TESC: variants seen among roughly 807,000 people sequenced by gnomAD.
The protein encoded by TESC is tescalcin, also known as calcineurin B homologous protein 3.
Under a neutral mutation model 31.0 loss-of-function variants are expected in TESC, and 19 were observed. That is an observed-to-expected ratio of 0.61 (90% CI 0.43 to 0.90). TESC has a LOEUF of 0.90. Ranked by LOEUF, TESC falls within the 40% of genes least tolerant of loss-of-function variation. The pLI is 0.00. For synonymous variants in TESC, 109 were observed against 114.8 expected (o/e 0.95, Z 0.32); for missense variants, 248 against 303.8 (o/e 0.82, Z 1.36).
intron 1 of TESC, among the ~76,000 whole-genome samples, chr12:117,086,703 G>A (rs1054772463): frequency 2.0e-5 from 3 of 152,208 alleles, no homozygotes; most frequent in African/African-American, 4.8e-5. Flanking sequence ...CTCCCAAAGT[G>A]CTGAGATTAC....
intron 1 of TESC, among the ~76,000 whole-genome samples, chr12:117,096,625 T>C (rs937053291): frequency 2.6e-5 from 4 of 152,152 alleles, no homozygotes; most frequent in East Asian, 3.9e-4. Context: ...AACTACTTCA[T>C]GTATATTAAC....
chr12:117,048,752 T>C (rs1954603824), intron 4 of TESC: 1 of 608,840 alleles, frequency 1.6e-6, no homozygotes, highest in African/African-American at 1.8e-5. Flanking sequence ...GGTCTTTGCA[T>C]CAAGGGCCTT....
intron 2 of TESC, among the ~76,000 whole-genome samples, chr12:117,068,345 C>T (rs1396540189): frequency 6.6e-6 from 1 of 152,128 alleles, no homozygotes; most frequent in Non-Finnish European, 1.5e-5. Flanking sequence ...GCCTGGCCAA[C>T]ATGGTGAAAC....
intron 1 of TESC, among the ~76,000 whole-genome samples, chr12:117,080,941 T>A (rs1955139657): frequency 6.6e-6 from 1 of 152,214 alleles, no homozygotes; most frequent in South Asian, 2.1e-4. Flanking sequence ...TGAGCCCTTC[T>A]CCAGGGCCCT....
intron 2 of TESC, among the ~76,000 whole-genome samples, chr12:117,065,622 C>T (rs952537954): frequency 1.3e-4 from 20 of 152,146 alleles, no homozygotes; most frequent in African/African-American, 4.8e-4. Flanking sequence ...GGCACAGTGG[C>T]TCACACCTAT....
chr12:117,074,452 G>A (rs1177857875), intron 2 of TESC, among the ~76,000 whole-genome samples: 3 of 152,102 alleles, frequency 2.0e-5, no homozygotes, highest in African/African-American at 7.2e-5. Context: ...GCAACCTAAA[G>A]GTATCTAAAA....
chr12:117,046,902 A>G, intron 4 of TESC, 64 bp from the exon 5 acceptor site: 2 of 1,503,844 alleles, frequency 1.3e-6, no homozygotes, highest in South Asian at 1.2e-5. Context: ...ACCCCCTGAA[A>G]TGTACACTAA....
intron 1 of TESC, among the ~76,000 whole-genome samples, chr12:117,092,346 T>C (rs1193433505): frequency 2.0e-5 from 3 of 152,134 alleles, no homozygotes; most frequent in African/African-American, 7.2e-5. Flanking sequence ...GGTGAGATGA[T>C]GGGGCCCAGG....
intron 1 of TESC, among the ~76,000 whole-genome samples, chr12:117,094,025 C>T (rs1546248): frequency 5.3e-5 from 8 of 151,594 alleles, no homozygotes; most frequent in Admixed American, 3.3e-4. Context: ...CCCTTCTCTC[C>T]GTCAGGTCCC....
At chr12:117,081,319 A>T (rs1955144707) in intron 1 of TESC, among the ~76,000 whole-genome samples, 1 of 152,212 alleles carries the variant, frequency 6.6e-6, no homozygotes, top group Non-Finnish European at 1.5e-5. Flanking sequence ...GATCATTTTT[A>T]AATATAATGG....
intron 2 of TESC, 28 bp from the exon 3 acceptor site, chr12:117,056,914 G>C (rs1270011552): frequency 6.2e-7 from 1 of 1,611,216 alleles, no homozygotes; most frequent in Non-Finnish European, 8.5e-7. Context: ...GAGATACCGG[G>C]AAGAGAATAA....
chr12:117,065,468 G>A (rs1053871251), intron 2 of TESC, among the ~76,000 whole-genome samples: 1 of 152,172 alleles, frequency 6.6e-6, no homozygotes, highest in Admixed American at 6.5e-5. Flanking sequence ...GGGGACCTCT[G>A]GGAGGGATGA....
intron 1 of TESC, among the ~76,000 whole-genome samples, chr12:117,075,955 A>ATG (rs1356210675): frequency 4.2e-5 from 5 of 119,306 alleles, no homozygotes; most frequent in African/African-American, 1.9e-4. Flanking sequence ...ATATACATAT[A>ATG]TATATATATA....
At chr12:117,095,893 TAAAA>T (rs960294247) in intron 1 of TESC, among the ~76,000 whole-genome samples, 3 of 151,390 alleles carry the variant, frequency 2.0e-5, no homozygotes. Flanking sequence ...AACTAAAAAT[TAAAA>T]AAAACTGTAA....
intron 1 of TESC, among the ~76,000 whole-genome samples, chr12:117,089,174 G>A (rs1955269176): frequency 6.6e-6 from 1 of 152,212 alleles, no homozygotes; most frequent in South Asian, 2.1e-4. Context: ...CTCCAAGACT[G>A]AGCCACACAC....
chr12:117,062,400 T>C (rs941823381), intron 2 of TESC, among the ~76,000 whole-genome samples: 9 of 152,042 alleles, frequency 5.9e-5, no homozygotes, highest in Non-Finnish European at 8.8e-5. Flanking sequence ...TTTTGTATTT[T>C]TAGTAGAGAT....
chr12:117,094,689 C>G (rs1248987862), intron 1 of TESC, among the ~76,000 whole-genome samples: 1 of 152,014 alleles, frequency 6.6e-6, no homozygotes, highest in African/African-American at 2.4e-5. Context: ...GTAAGCCAAC[C>G]CCTGAACAAT....
At chr12:117,086,436 C>CT (rs1042613808) in intron 1 of TESC, among the ~76,000 whole-genome samples, 2 of 151,184 alleles carry the variant, frequency 1.3e-5, no homozygotes, top group African/African-American at 2.4e-5. Context: ...ACAATGTTAA[C>CT]TTTTTTTTGA....
intron 1 of TESC, among the ~76,000 whole-genome samples, chr12:117,095,113 C>T (rs1015556666): frequency 3.3e-5 from 5 of 151,798 alleles, no homozygotes; most frequent in African/African-American, 1.2e-4. Context: ...TTCACTCTGT[C>T]GCCCAGGCTG....
Sources: gnomAD v4.1 joint callset for allele counts (sites outside exome capture counted in the v4.1 genomes callset) on GRCh38, gnomAD v4.1.1 for gene constraint, MANE v1.5 for transcripts, NCBI Gene and HGNC (gene_info 2026-07-23, HGNC 2026-07-21) for gene names.